The following ADCY5 variants were observed in gnomAD, a reference collection of about 807,000 sequenced individuals.
The protein encoded by ADCY5 is adenylate cyclase 5.
Under a neutral mutation model 119.7 loss-of-function variants are expected in ADCY5, and 30 were observed. The ratio of observed to expected loss-of-function variants is 0.25; its 90% confidence interval spans 0.19 to 0.34. The LOEUF (loss-of-function observed/expected upper bound fraction) is 0.34. Ranked by LOEUF, ADCY5 falls within the 10% of genes least tolerant of loss-of-function variation. The pLI, the probability that ADCY5 is intolerant of heterozygous loss-of-function variation, is 1.00. For synonymous variants in ADCY5, 753 were observed against 762.2 expected (o/e 0.99, Z 0.20); for missense variants, 1,324 against 1,775.2 (o/e 0.75, Z 4.57).
intron 3 of ADCY5, among the ~76,000 whole-genome samples, chr3:123,338,301 C>T (rs1314574590): frequency 6.6e-6 from 1 of 152,192 alleles, no homozygotes; most frequent in Admixed American, 6.5e-5. Context: ...GACTGTGAAG[C>T]CCCCAAAGCC....
chr3:123,331,049 T>C (rs746962846), intron 4 of ADCY5, 33 bp from the exon 5 acceptor site: 2 of 1,591,214 alleles, frequency 1.3e-6, no homozygotes, highest in African/African-American at 2.7e-5. Context: ...AAATTAAAAA[T>C]AGTAGGAAAG....
chr3:123,324,733 G>A (rs1941392219), intron 8 of ADCY5, among the ~76,000 whole-genome samples: 1 of 152,186 alleles, frequency 6.6e-6, no homozygotes, highest in Non-Finnish European at 1.5e-5. Context: ...AGGTGGAGCT[G>A]ACACCCGACC....
At chr3:123,416,749 G>A (rs1023407606) in intron 1 of ADCY5, among the ~76,000 whole-genome samples, 2 of 152,172 alleles carry the variant, frequency 1.3e-5, no homozygotes, top group Non-Finnish European at 2.9e-5. Context: ...ACGGACCCCA[G>A]GAAGAGGAAT....
At chr3:123,342,666 AAAG>A (rs146135089) in intron 3 of ADCY5, among the ~76,000 whole-genome samples, 6,746 of 152,202 alleles carry the variant, frequency 0.044, 455 homozygotes, top group African/African-American at 0.15. Context: ...CCCTTCACAC[AAAG>A]AAGAGTCTGG....
chr3:123,357,716 C>T (rs2108514557), intron 1 of ADCY5, among the ~76,000 whole-genome samples: 1 of 152,310 alleles, frequency 6.6e-6, no homozygotes, highest in South Asian at 2.1e-4. Flanking sequence ...CTTACACACA[C>T]ACACTCACAC....
intron 1 of ADCY5, among the ~76,000 whole-genome samples, chr3:123,403,139 G>A (rs916069876): frequency 2.6e-5 from 4 of 152,194 alleles, no homozygotes; most frequent in Non-Finnish European, 5.9e-5. Context: ...CAGCATTTCG[G>A]GGGGCCGCGG....
At chr3:123,410,561 G>A (rs985456134) in intron 1 of ADCY5, among the ~76,000 whole-genome samples, 1 of 152,206 alleles carries the variant, frequency 6.6e-6, no homozygotes, top group Non-Finnish European at 1.5e-5. Flanking sequence ...GAAAGCTGCA[G>A]TAAGAATGAA....
intron 1 of ADCY5, among the ~76,000 whole-genome samples, chr3:123,371,478 G>A (rs72626339): frequency 0.079 from 12,008 of 152,296 alleles, 1,135 homozygotes; most frequent in East Asian, 0.26. Flanking sequence ...TAAGAACATC[G>A]GCAATTTGTC....
chr3:123,325,386 C>A lies in ADCY5; in HGVS notation c.2024G>T (p.Gly675Val), dbSNP rs1941430823. The A allele has an allele frequency of 1.9e-6, 3 of 1,614,042 alleles. No individual in the cohort carries two copies. The highest frequency in any genetic ancestry group is 2.5e-6 in the Non-Finnish European group (3 of 1,180,026). ...GTGGTTGTAGAAGGGGCGCTCAGCC[C>A]CCCAGTGTGGTGGGTTGTGCCCGAT... ...NSIGHNPPHW[G>V]AERPFYNHLG... is the part of the protein sequence containing the mutation. Residue 675 changes from glycine (G) to valine (V), a missense_variant, in exon 8 of 21, where the codon GGG (glycine) becomes GTG (valine). Gly to Val is a moderately radical substitution (Grantham distance 109). Around this residue, in one of 6 missense-constraint regions of ADCY5, gnomAD observed 424 missense variants for 546.8 expected, o/e 0.78. Transcript: ENST00000462833.
At chr3:123,345,430 C>T (rs986307705) in intron 3 of ADCY5, among the ~76,000 whole-genome samples, 1 of 152,172 alleles carries the variant, frequency 6.6e-6, no homozygotes, top group East Asian at 1.9e-4. Context: ...CAAAGCTCTG[C>T]GGAGCTGAGA....
In ADCY5 at chr3:123,284,656, T is replaced by C. The variant is rs1397010287; in HGVS notation, c.3738A>G (p.Lys1246=). 2 of 1,614,120 alleles carry C rather than the reference T, an allele frequency of 1.2e-6. No homozygotes were observed. The highest frequency in any genetic ancestry group is 2.7e-5 in the African/African-American group (2 of 74,942). The change falls in exon 21 of 21, where the codon AAA becomes AAG. Residue 1246 remains lysine, a synonymous_variant. Coordinates refer to ENST00000462833, the MANE Select transcript of ADCY5 (RefSeq NM_183357.3). The part of the protein sequence containing the change: ...ECRGVVKVKG[K]GEMMTYFLNG... ...TGAGGAAGTAGGTCATCATCTCGCC[T>C]TTGCCCTTGACCTTGACCACGCCCC...
intron 12 of ADCY5, among the ~76,000 whole-genome samples, chr3:123,304,989 C>T (rs1206261591): frequency 1.3e-5 from 2 of 152,094 alleles, no homozygotes; most frequent in African/African-American, 4.8e-5. Context: ...CCTACCTGCC[C>T]CCAACACTTC....
chr3:123,413,041 G>C (rs144464328), intron 1 of ADCY5, among the ~76,000 whole-genome samples: 1 of 151,892 alleles, frequency 6.6e-6, no homozygotes, highest in Admixed American at 6.5e-5. Flanking sequence ...CGACCTCACC[G>C]TCCTCAGCAG....
At chr3:123,432,242 A>T (rs1027555013) in intron 1 of ADCY5, among the ~76,000 whole-genome samples, 9 of 152,162 alleles carry the variant, frequency 5.9e-5, no homozygotes, top group African/African-American at 2.2e-4. Flanking sequence ...TCCTCTTTGG[A>T]ATTTGTGTAC....
At position 123,319,780 on chromosome 3, in the gene ADCY5, T is replaced by A; in HGVS notation, c.2150A>T (p.Asp717Val). ...QESANPEDEV[D>V]EFLGRAIDAR... ...GTCAATGGCACGGCCCAGAAACTCA[T>A]CCACTTCATCCTCAGGGTTCGCACT... Residue 717 changes from aspartate (D) to valine (V), a missense_variant, in exon 10 of 21, where the codon GAT becomes GTT. Asp to Val is a radical substitution (Grantham distance 152). Around this residue, in one of 6 missense-constraint regions of ADCY5, gnomAD observed 424 missense variants for 546.8 expected, o/e 0.78. Coordinates refer to ENST00000462833, the MANE Select transcript of ADCY5 (RefSeq NM_183357.3). The A allele has an allele frequency of 6.2e-7, 1 of 1,614,200 alleles. No individual in the cohort carries two copies. The highest frequency in any genetic ancestry group is 8.5e-7 in the Non-Finnish European group (1 of 1,180,022).
chr3:123,371,306 T>G (rs1943632513), intron 1 of ADCY5, among the ~76,000 whole-genome samples: 1 of 152,186 alleles, frequency 6.6e-6, no homozygotes, highest in East Asian at 1.9e-4. Flanking sequence ...ACTATCTACT[T>G]CTCAAGGACT....
At chr3:123,409,286 C>T (rs955444913) in intron 1 of ADCY5, among the ~76,000 whole-genome samples, 1 of 152,108 alleles carries the variant, frequency 6.6e-6, no homozygotes, top group African/African-American at 2.4e-5. Flanking sequence ...AGGGGCTGTG[C>T]TAGGTGCCAT....
At chr3:123,319,065 T>C (rs1359230864) in intron 10 of ADCY5, among the ~76,000 whole-genome samples, 1 of 152,162 alleles carries the variant, frequency 6.6e-6, no homozygotes, top group Non-Finnish European at 1.5e-5. Context: ...GTTTCATACA[T>C]AGAAACTGCT....
intron 1 of ADCY5, among the ~76,000 whole-genome samples, chr3:123,358,674 T>C (rs1012197365): frequency 1.3e-5 from 2 of 151,984 alleles, no homozygotes; most frequent in African/African-American, 4.8e-5. Context: ...GTCCAGGGGG[T>C]CCCAGGACCA....
Sources: allele counts gnomAD v4.1 joint callset (sites outside exome capture counted in the v4.1 genomes callset), GRCh38; gene constraint gnomAD v4.1.1; regional missense constraint gnomAD v4.1.1; transcripts MANE v1.5; gene names NCBI Gene and HGNC (gene_info 2026-07-23, HGNC 2026-07-21).